The following DISP1 variants were observed in gnomAD, a reference collection of about 807,000 sequenced individuals.
DISP1 encodes dispatched RND transporter family member 1, also known as protein dispatched homolog 1.
Under a neutral mutation model 37.3 loss-of-function variants are expected in DISP1, and 30 were observed. The ratio of observed to expected loss-of-function variants is 0.80; its 90% CI spans 0.60 to 1.09. The LOEUF is 1.09. DISP1 is among the 50% of genes least tolerant of loss of function. The pLI is 0.00. For missense variants in DISP1, 1,598 were observed against 1,879.5 expected, an observed-to-expected ratio of 0.85 and a Z score of 2.77; for synonymous variants, 634 against 690.2, an observed-to-expected ratio of 0.92 and a Z score of 1.28.
chr1:222,846,668 G>C (rs80161504), intron 1 of DISP1, among the ~76,000 whole-genome samples: 2,057 of 152,342 alleles, frequency 0.014, 54 homozygotes, highest in African/African-American at 0.046. Context: ...AAGGCTTGTG[G>C]TTGCAGGAAG....
chr1:222,971,402 C>A (rs997684265), intron 3 of DISP1, among the ~76,000 whole-genome samples: 21 of 118,934 alleles, frequency 1.8e-4, no homozygotes, highest in Non-Finnish European at 3.5e-4. Flanking sequence ...TAACCCCACA[C>A]CCCCCAAGTT....
At chr1:222,835,189 G>T (rs1159471279) in intron 1 of DISP1, 3 of 152,096 alleles carry the variant, frequency 2.0e-5, no homozygotes, top group African/African-American at 7.2e-5. Context: ...CATATACCAA[G>T]CTGTCAGAAG....
rs528213367 is a variant in DISP1 at position 222,868,346 on chromosome 1, T to C, written c.-159+53268T>C. ...AAAAAATGAAACAAAACTCTACATA[T>C]ATATATGTGTGTGTATATATGTTTA... On this transcript the variant is annotated intron_variant, in intron 1 of 8. Transcript: ENST00000675850. Among the ~76,000 whole-genome samples, 49 of 152,214 alleles carry C rather than the reference T, an allele frequency of 3.2e-4. 2 individuals are homozygous for C. In the South Asian group the frequency reaches 0.01, roughly 32 times the overall value.
At chr1:222,966,738 T>G (rs1018133290) in intron 3 of DISP1, among the ~76,000 whole-genome samples, 3 of 152,136 alleles carry the variant, frequency 2.0e-5, no homozygotes, top group Non-Finnish European at 4.4e-5. Flanking sequence ...ATCTGAGTGG[T>G]GGTTACATAG....
At chr1:222,908,512 C>T (rs1351403063) in intron 1 of DISP1, among the ~76,000 whole-genome samples, 1 of 152,178 alleles carries the variant, frequency 6.6e-6, no homozygotes, top group African/African-American at 2.4e-5. Context: ...TCTCCTGCCT[C>T]AGCCTCCCCA....
chr1:222,929,324 T>C (rs1673253568), intron 2 of DISP1, among the ~76,000 whole-genome samples: 1 of 152,124 alleles, frequency 6.6e-6, no homozygotes, highest in Non-Finnish European at 1.5e-5. Flanking sequence ...GGTGGAAAAA[T>C]TCAAATTAGT....
Position 222,912,297 on chromosome 1 carries a change from C to T in DISP1, c.-158-16133C>T, listed in dbSNP as rs149428867. ...GTTTGCATAGAGTAGCAATTTGGAC[C>T]GTTTATGTATTTTTCTCTCAATAAA... is the stretch of plus-strand genomic sequence containing the variant. On this transcript the variant is annotated intron_variant, in intron 1 of 8. Coordinates refer to ENST00000675850, the MANE Select transcript of DISP1 (RefSeq NM_001377229.1). Among the ~76,000 whole-genome samples the T allele has an allele frequency of 4.1e-3, 628 of 152,152 alleles. 12 individuals are homozygous for T. Among genetic ancestry groups the T allele is most frequent in the South Asian group, 0.017 (82 of 4,812 alleles).
rs187221743 is a variant in DISP1, at chr1:222,936,627, C to A, written c.-17-6180C>A. The stretch of plus-strand genomic sequence containing the variant: ...TCTCATATATATGAGATATATATAT[C>A]TCTCATATATATGAGATATATATAT... On this transcript the variant is annotated intron_variant, in intron 2 of 8. Coordinates refer to ENST00000675850, the MANE Select transcript of DISP1 (RefSeq NM_001377229.1). Among the ~76,000 whole-genome samples, 349 of 84,374 alleles carry A rather than the reference C, an allele frequency of 4.1e-3. 12 individuals are homozygous for A. The highest frequency in any genetic ancestry group is 0.013 in the African/African-American group (311 of 23,458). 55.4% of individuals were successfully genotyped at this position (84,374 alleles called of 152,430 possible). A position where few individuals can be genotyped will look rare whatever the true frequency, so the allele number is the denominator to read the frequency against.
chr1:222,940,965 AAAACGTCCAGTGCTTCTTT>A (rs1674337880), intron 2 of DISP1, among the ~76,000 whole-genome samples: 1 of 152,234 alleles, frequency 6.6e-6, no homozygotes, highest in Admixed American at 6.5e-5. Context: ...GCTTTTTTAA[AAAACGTCCAGTGCTTCTTT>A]AAATGTCCTT....
At chr1:222,990,238 T>TTAAA (rs1283514044) in intron 4 of DISP1, among the ~76,000 whole-genome samples, 1 of 152,158 alleles carries the variant, frequency 6.6e-6, no homozygotes, top group Non-Finnish European at 1.5e-5. Flanking sequence ...CTGATTGGAG[T>TTAAA]ATGGATCCTC....
intron 2 of DISP1, among the ~76,000 whole-genome samples, chr1:222,936,577 A>C (rs1458876084): frequency 7.6e-5 from 9 of 118,036 alleles, no homozygotes; most frequent in Admixed American, 1.0e-4. Context: ...TATAATATAT[A>C]TCATATATAT....
At chr1:222,858,439 A>G (rs1668675716) in intron 1 of DISP1, among the ~76,000 whole-genome samples, 1 of 152,192 alleles carries the variant, frequency 6.6e-6, no homozygotes, top group Admixed American at 6.5e-5. Context: ...CCATGATGAA[A>G]TCACCAAAAG....
chr1:222,945,148 T>G (rs1157896420), intron 3 of DISP1, among the ~76,000 whole-genome samples: 1 of 152,294 alleles, frequency 6.6e-6, no homozygotes, highest in East Asian at 1.9e-4. Flanking sequence ...AACGTGGTAA[T>G]AAAGCAGAAA....
At chr1:222,826,039 C>A (rs1010995713) in intron 1 of DISP1, among the ~76,000 whole-genome samples, 1 of 152,160 alleles carries the variant, frequency 6.6e-6, no homozygotes, top group African/African-American at 2.4e-5. Context: ...GTTTCTGGGA[C>A]TGTAGGTGTG....
intron 1 of DISP1, among the ~76,000 whole-genome samples, chr1:222,903,927 T>C (rs1324645482): frequency 1.3e-5 from 2 of 152,232 alleles, no homozygotes; most frequent in Non-Finnish European, 2.9e-5. Flanking sequence ...TGCATAAACA[T>C]CAAATTTGTG....
At chr1:222,876,616 A>T (rs1572403435) in intron 1 of DISP1, among the ~76,000 whole-genome samples, 1 of 152,356 alleles carries the variant, frequency 6.6e-6, no homozygotes, top group East Asian at 1.9e-4. Flanking sequence ...GTATGAATAT[A>T]AATTTCAAAA....
intron 1 of DISP1, among the ~76,000 whole-genome samples, chr1:222,889,722 A>G (rs1670838924): frequency 6.6e-6 from 1 of 152,176 alleles, no homozygotes; most frequent in African/African-American, 2.4e-5. Flanking sequence ...TACTGTTGTC[A>G]GCATTACTGC....
chr1:222,873,658 C>G (rs1167384805), intron 1 of DISP1, among the ~76,000 whole-genome samples: 2 of 152,032 alleles, frequency 1.3e-5, no homozygotes, highest in Non-Finnish European at 2.9e-5. Flanking sequence ...TATTTTGAGC[C>G]TATGTGTGTT....
At chr1:222,938,757 A>AGG (rs2125482010) in intron 2 of DISP1, among the ~76,000 whole-genome samples, 4 of 142,018 alleles carry the variant, frequency 2.8e-5, no homozygotes, top group African/African-American at 5.3e-5. Context: ...AAAAAAAAAA[A>AGG]AAAAAGGAAG....
Sources: allele counts gnomAD v4.1 joint callset (sites outside exome capture counted in the v4.1 genomes callset), GRCh38; gene constraint gnomAD v4.1.1; transcripts MANE v1.5; gene names NCBI Gene and HGNC (gene_info 2026-07-23, HGNC 2026-07-21).